The following TRAPPC13 variants were observed in gnomAD, a reference collection of about 807,000 sequenced individuals.
TRAPPC13 encodes trafficking protein particle complex subunit 13.
Under a neutral mutation model 54.0 loss-of-function variants are expected in TRAPPC13, and 39 were observed. The ratio of observed to expected loss-of-function variants is 0.72; its 90% CI spans 0.56 to 0.94. The LOEUF is 0.94. Ranked by LOEUF, TRAPPC13 falls within the 40% of genes least tolerant of loss-of-function variation. The pLI, the probability that TRAPPC13 is intolerant of heterozygous loss-of-function variation, is 0.00. For missense variants in TRAPPC13, 386 were observed against 488.1 expected (o/e 0.79, Z 1.97); for synonymous variants, 148 against 167.7 (o/e 0.88, Z 0.91).
chr5:65,643,905 C>T (rs1356320397), intron 4 of TRAPPC13, among the ~76,000 whole-genome samples: 1 of 151,082 alleles, frequency 6.6e-6, no homozygotes, highest in East Asian at 1.9e-4. Flanking sequence ...TGAATTGCAG[C>T]TTTTAATATT....
intron 1 of TRAPPC13, among the ~76,000 whole-genome samples, chr5:65,627,158 G>C (rs367797085): frequency 1.6e-3 from 102 of 63,948 alleles, no homozygotes; most frequent in African/African-American, 5.6e-3. Flanking sequence ...AAAAAAAAAA[G>C]AACAATAAGC....
At chr5:65,630,634 A>G (rs1350578280) in intron 1 of TRAPPC13, 1 of 1,035,060 alleles carries the variant, frequency 9.7e-7, no homozygotes, top group East Asian at 8.1e-5. Context: ...AATCTCTAAA[A>G]TCTAATTTTA....
chr5:65,664,392 G>A lies in TRAPPC13; in HGVS notation c.1146+8G>A. On this transcript the variant is annotated splice_region_variant and intron_variant, in intron 12 of 12. Transcript: ENST00000399438. ...TCAGTACAGGGACTGCAAGTATGCT[G>A]TCTTTTCAAAAATTCCAATATTTGG... 4 of 1,607,090 alleles carry A rather than the reference G, an allele frequency of 2.5e-6. No individual in the cohort carries two copies. Among genetic ancestry groups the A allele is most frequent in the South Asian group, 1.1e-5 (1 of 89,976 alleles).
In TRAPPC13 at chr5:65,639,815, C is replaced by T. The variant is rs114456173; in HGVS notation, c.300+2035C>T. ...ATTAAAAGATAGAATATGCTAACTC[C>T]GCTAATGACCTGAAATTTCTTCAAA... On this transcript the variant is annotated intron_variant, in intron 4 of 12. Transcript: ENST00000399438. 5.1e-3 allele frequency among the ~76,000 whole-genome samples: 777 copies of T among 152,228 alleles called. 4 individuals carry two copies. The highest frequency in any genetic ancestry group is 7.1e-3 in the Non-Finnish European group (482 of 68,016).
At chr5:65,657,162 A>G (rs1756686744) in intron 8 of TRAPPC13, among the ~76,000 whole-genome samples, 1 of 151,676 alleles carries the variant, frequency 6.6e-6, no homozygotes, top group Non-Finnish European at 1.5e-5. Flanking sequence ...TGGGTGGATC[A>G]CTTGAGGTCA....
intron 4 of TRAPPC13, among the ~76,000 whole-genome samples, chr5:65,638,398 A>G (rs776548850): frequency 6.6e-6 from 1 of 152,216 alleles, no homozygotes; most frequent in Non-Finnish European, 1.5e-5. Context: ...ACTGGAGATT[A>G]TGTCAATCTG....
At position 65,659,866 on chromosome 5, in the gene TRAPPC13, G is replaced by T. The variant is rs556429484; in HGVS notation, c.699-833G>T. Among the ~76,000 whole-genome samples the T allele has an allele frequency of 5.9e-4, 90 of 151,362 alleles. 1 individual carries two copies. The highest frequency in any genetic ancestry group is 1.0e-3 in the Non-Finnish European group (70 of 67,908). ...TGCATTCCTAGCTCCTTGGGAGAGA[G>T]GCAGGAAAATCGCTTGAGTCCACAA... is the stretch of plus-strand genomic sequence containing the variant. On this transcript the variant is annotated intron_variant, in intron 9 of 12. Coordinates refer to ENST00000399438, the MANE Select transcript of TRAPPC13 (RefSeq NM_024941.4).
chr5:65,647,006 G>A, intron 4 of TRAPPC13, 49 bp from the exon 5 acceptor site: 4 of 1,499,626 alleles, frequency 2.7e-6, no homozygotes, highest in Non-Finnish European at 3.6e-6. Flanking sequence ...CACCCTGTAG[G>A]TAACCAGTCT....
At chr5:65,630,530 A>G in intron 1 of TRAPPC13, 1 of 1,282,274 alleles carries the variant, frequency 7.8e-7, no homozygotes, top group Non-Finnish European at 9.8e-7. Context: ...ATTATTGTTT[A>G]CACTGAATTT....
At chr5:65,651,842 GTTTTTTTTTTTTTTTTTTT>G (rs762929434) in intron 6 of TRAPPC13, among the ~76,000 whole-genome samples, 24 of 41,166 alleles carry the variant, frequency 5.8e-4, no homozygotes, top group East Asian at 1.9e-3. Context: ...ACGTGATTCA[GTTTTTTTTTTTTTTTTTTT>G]TTTTTTTTTT....
At chr5:65,625,249 G>A in intron 1 of TRAPPC13, 143 bp downstream of exon 1, 1 of 716,564 alleles carries the variant, frequency 1.4e-6, no homozygotes, top group Non-Finnish European at 2.4e-6. Flanking sequence ...GCGGGAGGAA[G>A]CGATTTCTCC....
chr5:65,633,124 T>C lies in TRAPPC13; in HGVS notation c.47-2177T>C, dbSNP rs547635753. Among the ~76,000 whole-genome samples the C allele has an allele frequency of 5.3e-5, 8 of 152,302 alleles. No homozygotes were observed. In the South Asian group the frequency reaches 1.7e-3, roughly 32 times the overall value. ...TTTCTGAAAAAGATGACATTTAAGC[T>C]GAAACCAGAATGAGAAAGCCACTAA... On this transcript the variant is annotated intron_variant, in intron 1 of 12. Coordinates refer to ENST00000399438, the MANE Select transcript of TRAPPC13 (RefSeq NM_024941.4).
In TRAPPC13 at chr5:65,664,332, G is replaced by T. The variant is rs1355567775; in HGVS notation, c.1094G>T (p.Ser365Ile). ...AGACAGCTGGGAAAGCTGCATCCAA[G>T]TTCTTCGCTCTGTCTTGCCCTTACT... is the stretch of plus-strand genomic sequence containing the variant. Reference protein sequence around the residue: ...SGRQLGKLHPSSSLCLALTLL... With the variant: ...SGRQLGKLHPISSLCLALTLL... The change falls in exon 12 of 13, where the codon AGT becomes ATT. Residue 365 changes from serine (S) to isoleucine (I), a missense_variant. By Grantham distance (142) the Ser-to-Ile change is moderately radical. Coordinates refer to ENST00000399438, the MANE Select transcript of TRAPPC13 (RefSeq NM_024941.4). 6.2e-7 allele frequency: 1 copy of T among 1,613,956 alleles called. No homozygotes were observed.
At chr5:65,645,216 A>G (rs1169000371) in intron 4 of TRAPPC13, among the ~76,000 whole-genome samples, 1 of 151,536 alleles carries the variant, frequency 6.6e-6, no homozygotes, top group Non-Finnish European at 1.5e-5. Context: ...AAAAAAAAAG[A>G]ATTTTGAATC....
At chr5:65,642,017 A>G (rs915108896) in intron 4 of TRAPPC13, among the ~76,000 whole-genome samples, 1 of 152,034 alleles carries the variant, frequency 6.6e-6, no homozygotes, top group African/African-American at 2.4e-5. Flanking sequence ...TCTGTAAAGT[A>G]GGCTCTTAAA....
Position 65,635,331 on chromosome 5 carries a change from C to T in TRAPPC13, c.77C>T (p.Thr26Ile), listed in dbSNP as rs970584323. The T allele has an allele frequency of 1.6e-5, 26 of 1,613,526 alleles. No individual in the cohort carries two copies. Among genetic ancestry groups the T allele is most frequent in the Non-Finnish European group, 2.1e-5 (25 of 1,179,638 alleles). Residue 26 changes from threonine to isoleucine, a missense_variant, in exon 2 of 13, where the codon ACC becomes ATC. By Grantham distance (89) the Thr-to-Ile change is moderately conservative. Coordinates refer to ENST00000399438, the MANE Select transcript of TRAPPC13 (RefSeq NM_024941.4). ...CGGCTGACTAAGCCTACTTTATTCA[C>T]CAATATCCCAGTAACATGTGAAGAG... is the stretch of plus-strand genomic sequence containing the variant. Reference protein sequence around the residue: ...VMRLTKPTLFTNIPVTCEEKD... With the variant: ...VMRLTKPTLFINIPVTCEEKD...
chr5:65,632,959 A>G (rs1755603177), intron 1 of TRAPPC13, among the ~76,000 whole-genome samples: 1 of 152,208 alleles, frequency 6.6e-6, no homozygotes, highest in Admixed American at 6.5e-5. Flanking sequence ...ACTTACACCA[A>G]ATATGGATGC....
At chr5:65,650,686 A>G in intron 5 of TRAPPC13, 124 bp from the exon 6 acceptor site, 1 of 685,566 alleles carries the variant, frequency 1.5e-6, no homozygotes, top group Non-Finnish European at 2.5e-6. Context: ...CCCCTGCTCT[A>G]ATCTCACACA....
intron 1 of TRAPPC13, among the ~76,000 whole-genome samples, chr5:65,634,578 C>G (rs1348632007): frequency 6.6e-6 from 1 of 151,872 alleles, no homozygotes; most frequent in Non-Finnish European, 1.5e-5. Flanking sequence ...GTAATTTCTA[C>G]ACAGAATTAA....
Sources: gnomAD v4.1 joint callset for allele counts (sites outside exome capture counted in the v4.1 genomes callset) on GRCh38, gnomAD v4.1.1 for gene constraint, MANE v1.5 for transcripts, NCBI Gene and HGNC (gene_info 2026-07-23, HGNC 2026-07-21) for gene names.